Variants in RTTN observed in about 807,000 individuals in gnomAD.
The protein encoded by RTTN is rotatin.
Under a neutral mutation model 269.2 loss-of-function variants are expected in RTTN, and 182 were observed. That is an observed-to-expected ratio of 0.68 (90% confidence interval 0.60 to 0.76). RTTN has a LOEUF of 0.76. RTTN is among the 30% of genes least tolerant of loss of function. The pLI, the probability that RTTN is intolerant of heterozygous loss-of-function variation, is 0.00. For missense variants in RTTN, 2,545 were observed against 2,608.6 expected (o/e 0.98, Z 0.53); for synonymous variants, 1,006 against 963.5 (o/e 1.04, Z -0.82).
At chr18:70,160,026 C>T (rs1404584509) in intron 14 of RTTN, among the ~76,000 whole-genome samples, 1 of 152,110 alleles carries the variant, frequency 6.6e-6, no homozygotes, top group Non-Finnish European at 1.5e-5. Context: ...TGTTACCAAT[C>T]CTACTGAAAT....
Position 70,051,401 on chromosome 18 carries a change from ATCT to A in RTTN, c.5323+7_5323+9del, listed in dbSNP as rs770541694. The A allele has an allele frequency of 3.7e-5, 59 of 1,596,030 alleles. No individual in the cohort carries two copies. The highest frequency in any genetic ancestry group is 4.5e-5 in the Non-Finnish European group (53 of 1,175,342). On this transcript the variant is annotated splice_region_variant and intron_variant, in intron 39 of 48. Coordinates refer to ENST00000640769, the MANE Select transcript of RTTN (RefSeq NM_173630.4). ...AGAAAGCCCCCAAGATTATGCAAGT[ATCT>A]TCTTACCAATCGCCGCTGTCCAGTG...
chr18:70,194,947 T>C (rs2061766928), intron 7 of RTTN, among the ~76,000 whole-genome samples: 1 of 152,220 alleles, frequency 6.6e-6, no homozygotes, highest in East Asian at 1.9e-4. Context: ...TGGCATATTT[T>C]ATATTATACC....
chr18:70,046,953 G>A (rs948727578), intron 40 of RTTN, among the ~76,000 whole-genome samples: 2 of 152,174 alleles, frequency 1.3e-5, no homozygotes, highest in Non-Finnish European at 2.9e-5. Context: ...AATCCTTTCT[G>A]CATCTCAACA....
chr18:70,173,901 T>C (rs1284093172), intron 11 of RTTN, among the ~76,000 whole-genome samples: 4 of 151,914 alleles, frequency 2.6e-5, no homozygotes, highest in East Asian at 1.9e-4. Context: ...CAAGAAGGAG[T>C]TGAGAGAGTA....
chr18:70,128,600 C>G, intron 23 of RTTN, 54 bp from the exon 24 acceptor site: 1 of 1,489,448 alleles, frequency 6.7e-7, no homozygotes, highest in Non-Finnish European at 9.2e-7. Context: ...AAATGCTACT[C>G]AAAAAGATGA....
chr18:70,190,725 A>C lies in RTTN; in HGVS notation c.1008-6T>G. 1.9e-6 allele frequency: 3 copies of C among 1,589,044 alleles called. No individual in the cohort carries two copies. The highest frequency in any genetic ancestry group is 2.6e-6 in the Non-Finnish European group (3 of 1,159,428). ...GAGCATGACTACTACTTCCACTGCA[A>C]GATAAACAAATGATAAACCTTGCAT... On this transcript the variant is annotated splice_polypyrimidine_tract_variant and splice_region_variant and intron_variant, in intron 8 of 48. Transcript: ENST00000640769.
intron 32 of RTTN, among the ~76,000 whole-genome samples, chr18:70,082,172 A>T (rs1473722514): frequency 6.6e-6 from 1 of 152,178 alleles, no homozygotes; most frequent in Non-Finnish European, 1.5e-5. Flanking sequence ...CAAACTGACA[A>T]CCCATTATGT....
chr18:70,104,001 G>A lies in RTTN; in HGVS notation c.3903+5497C>T, dbSNP rs546814421. Among the ~76,000 whole-genome samples the A allele has an allele frequency of 1.8e-4, 27 of 152,182 alleles. No individual in the cohort carries two copies. In the East Asian group the frequency reaches 3.5e-3, roughly 20 times the overall value. ...TCTTCTCAAGGAGTATCTTTGTGGC[G>A]TTCTCTGTATTTCCTGAATTTGAAT... is the stretch of plus-strand genomic sequence containing the variant. On this transcript the variant is annotated intron_variant, in intron 28 of 48. Transcript: ENST00000640769.
At chr18:70,139,980 TAGG>T (rs2060216174) in intron 20 of RTTN, 117 bp downstream of exon 20, 2 of 722,634 alleles carry the variant, frequency 2.8e-6, no homozygotes, top group Non-Finnish European at 4.8e-6. Context: ...ATGAATGAGA[TAGG>T]AGGTGTTACT....
Position 70,204,103 on chromosome 18 carries a change from T to G in RTTN, c.380A>C (p.Tyr127Ser). 1 of 1,611,580 alleles carries G rather than the reference T, an allele frequency of 6.2e-7. No homozygotes were observed. Among genetic ancestry groups the G allele is most frequent in the Non-Finnish European group, 8.5e-7 (1 of 1,178,352 alleles). ...AGAGTTACCAGTTTGATTGGTTTGG[T>G]ATGAGGCAGAAGATAGTGCAGGAAC... ...SEVPALSSASYQTNQTELSKN... is the reference protein window; with the variant it reads ...SEVPALSSASSQTNQTELSKN... Residue 127 changes from tyrosine (Y) to serine (S), a missense_variant, in exon 3 of 49, where the codon TAC becomes TCC. Tyr to Ser is a moderately radical substitution (Grantham distance 144, BLOSUM62 -2). Coordinates refer to ENST00000640769, the MANE Select transcript of RTTN (RefSeq NM_173630.4).
chr18:70,118,427 G>T (rs890407943), intron 26 of RTTN, among the ~76,000 whole-genome samples: 1 of 151,950 alleles, frequency 6.6e-6, no homozygotes, highest in African/African-American at 2.4e-5. Context: ...CCAATAATAA[G>T]GAGATTAAAT....
At chr18:70,161,515 C>T (rs971652433) in intron 14 of RTTN, among the ~76,000 whole-genome samples, 6 of 152,016 alleles carry the variant, frequency 3.9e-5, no homozygotes, top group African/African-American at 1.4e-4. Context: ...AAAGTTTCTG[C>T]ACAGTAAAAG....
At position 70,166,091 on chromosome 18, in the gene RTTN, T is replaced by C. The variant is rs2060978153; in HGVS notation, c.1900A>G (p.Thr634Ala). ...GTGATTTCCAGACAGCAGTGGTAAG[T>C]TTCAGCTTTCACTCGTGGCAATGGG... ...SHPLPRVKAE[T>A]YHCCLEITKE... The change falls in exon 14 of 49, where the codon ACT becomes GCT. Residue 634 changes from threonine to alanine, a missense_variant. Transcript: ENST00000640769. 6.2e-7 allele frequency: 1 copy of C among 1,613,690 alleles called. No homozygotes were observed. The highest frequency in any genetic ancestry group is 8.5e-7 in the Non-Finnish European group (1 of 1,179,808).
At chr18:70,057,349 C>T (rs1345021227) in intron 37 of RTTN, among the ~76,000 whole-genome samples, 1 of 152,170 alleles carries the variant, frequency 6.6e-6, no homozygotes, top group East Asian at 1.9e-4. Context: ...TGAAAATACA[C>T]ATAACTTAGC....
intron 32 of RTTN, among the ~76,000 whole-genome samples, chr18:70,086,113 GA>G (rs1316790955): frequency 6.6e-6 from 1 of 151,402 alleles, no homozygotes; most frequent in Non-Finnish European, 1.5e-5. Context: ...CCTAGAAAAG[GA>G]AAAAAAGATG....
chr18:70,173,704 T>C (rs2061209051), intron 11 of RTTN, among the ~76,000 whole-genome samples: 1 of 152,172 alleles, frequency 6.6e-6, no homozygotes. Flanking sequence ...GTCTGAATGA[T>C]CTGAGATATT....
chr18:70,102,035 G>C (rs958630239), intron 28 of RTTN, among the ~76,000 whole-genome samples: 2 of 152,164 alleles, frequency 1.3e-5, no homozygotes, highest in African/African-American at 4.8e-5. Flanking sequence ...ATGTGGTGCT[G>C]AGAAGAATGT....
At chr18:70,063,405 TGA>T (rs1302481490) in intron 35 of RTTN, among the ~76,000 whole-genome samples, 1 of 152,206 alleles carries the variant, frequency 6.6e-6, no homozygotes, top group African/African-American at 2.4e-5. Context: ...CATTTTTACA[TGA>T]GAGTTTGTGT....
intron 17 of RTTN, among the ~76,000 whole-genome samples, chr18:70,146,619 T>C (rs2060399802): frequency 6.6e-6 from 1 of 152,220 alleles, no homozygotes; most frequent in African/African-American, 2.4e-5. Flanking sequence ...GCCTTCTGTA[T>C]GCAGGCCTGC....
Sources: gnomAD v4.1 joint callset for allele counts (sites outside exome capture counted in the v4.1 genomes callset) on GRCh38, gnomAD v4.1.1 for gene constraint, MANE v1.5 for transcripts, NCBI Gene and HGNC (gene_info 2026-07-23, HGNC 2026-07-21) for gene names.